The following DLG2 variants were observed in gnomAD, a reference collection of about 807,000 sequenced individuals.
The protein encoded by DLG2 is disks large homolog 2.
A neutral mutation model predicts 132.5 loss-of-function variants in DLG2; 45 were observed. The observed-to-expected ratio is 0.34, with a 90% CI of 0.27 to 0.44. The LOEUF (loss-of-function observed/expected upper bound fraction) is 0.44. DLG2 is among the 20% of genes least tolerant of loss of function. The pLI, the probability that DLG2 is intolerant of heterozygous loss-of-function variation, is 1.00. For missense variants in DLG2, 1,045 were observed against 1,196.9 expected (o/e 0.87, Z 1.87); for synonymous variants, 424 against 419.6 (o/e 1.01, Z -0.13).
chr11:85,302,137 G>A (rs953852971), intron 3 of DLG2, among the ~76,000 whole-genome samples: 5 of 152,126 alleles, frequency 3.3e-5, no homozygotes, highest in African/African-American at 9.7e-5. Context: ...AAGGCTGACC[G>A]CACATTCTGT....
chr11:83,814,015 C>T lies in DLG2; in HGVS notation c.1722+19599G>A, dbSNP rs1361941584. ...ACTCACTTTTTTTTCTTTATGTGCA[C>T]TTTTATTTTTACATTGTAGAGAAAG... On this transcript the variant is annotated intron_variant, in intron 17 of 27. Coordinates refer to ENST00000376104, the MANE Select transcript of DLG2 (RefSeq NM_001142699.3). 2.0e-5 allele frequency among the ~76,000 whole-genome samples: 3 copies of T among 151,870 alleles called. No homozygotes were observed. In the East Asian group the frequency reaches 5.8e-4, roughly 29 times the overall value.
rs985715109 is a variant in DLG2 at position 83,845,248 on chromosome 11, G to A, written c.1566-11478C>T. ...TTATTAAAAAGAGGAGATACTTGTA[G>A]GAGATCAAAAAGATCTTTTTAGTAG... On this transcript the variant is annotated intron_variant, in intron 16 of 27. Transcript: ENST00000376104. 1.3e-4 allele frequency among the ~76,000 whole-genome samples: 20 copies of A among 152,250 alleles called. 1 individual carries two copies. The South Asian group carries it at 2.9e-3, about 22-fold the overall frequency.
chr11:85,221,250 A>G (rs888140445), intron 4 of DLG2, among the ~76,000 whole-genome samples: 12 of 151,806 alleles, frequency 7.9e-5, no homozygotes, highest in African/African-American at 2.9e-4. Flanking sequence ...CACCGCCAGG[A>G]TGGTCTCAAT....
chr11:84,112,293 C>A (rs1350346992), intron 9 of DLG2, among the ~76,000 whole-genome samples: 55 of 149,150 alleles, frequency 3.7e-4, no homozygotes, highest in Admixed American at 2.0e-4. Context: ...CCACCGCATC[C>A]GGCCTTTTTT....
intron 3 of DLG2, among the ~76,000 whole-genome samples, chr11:85,481,439 T>C (rs2093286694): frequency 6.6e-6 from 1 of 152,138 alleles, no homozygotes. Context: ...AAAACATGCA[T>C]GGAAGAGGGT....
intron 3 of DLG2, among the ~76,000 whole-genome samples, chr11:85,352,544 G>C (rs1180518902): frequency 6.6e-6 from 1 of 152,056 alleles, no homozygotes; most frequent in Non-Finnish European, 1.5e-5. Flanking sequence ...TGGGCATTTA[G>C]TGCTATAAAT....
chr11:84,870,309 A>C (rs1187687021), intron 6 of DLG2, among the ~76,000 whole-genome samples: 1 of 152,204 alleles, frequency 6.6e-6, no homozygotes. Flanking sequence ...GGATGAGAAC[A>C]ATTAGAGATG....
chr11:83,939,105 T>C (rs921277131), intron 14 of DLG2, among the ~76,000 whole-genome samples: 7 of 152,210 alleles, frequency 4.6e-5, no homozygotes, highest in African/African-American at 1.4e-4. Context: ...ATTGCCTCGG[T>C]TGAACTGCTT....
At chr11:84,683,397 A>G (rs1178215262) in intron 6 of DLG2, among the ~76,000 whole-genome samples, 2 of 152,138 alleles carry the variant, frequency 1.3e-5, no homozygotes, top group Non-Finnish European at 2.9e-5. Flanking sequence ...GTACCTGTAA[A>G]TTCTTCACTG....
At chr11:83,616,293 G>C (rs1045601558) in intron 19 of DLG2, among the ~76,000 whole-genome samples, 1 of 152,118 alleles carries the variant, frequency 6.6e-6, no homozygotes, top group Non-Finnish European at 1.5e-5. Context: ...GTTTGGCTCT[G>C]ATAGATACTG....
intron 9 of DLG2, among the ~76,000 whole-genome samples, chr11:84,118,022 A>C (rs569947795): frequency 6.6e-6 from 1 of 151,618 alleles, no homozygotes; most frequent in East Asian, 2.0e-4. Context: ...CCCTCAGCTA[A>C]TTTTTTGTAT....
intron 7 of DLG2, among the ~76,000 whole-genome samples, chr11:84,441,200 G>T (rs2099016407): frequency 6.6e-6 from 1 of 151,834 alleles, no homozygotes; most frequent in African/African-American, 2.4e-5. Flanking sequence ...AGGATGGAGT[G>T]CAGTGTTACG....
chr11:84,486,069 A>C (rs575649914), intron 7 of DLG2, among the ~76,000 whole-genome samples: 1 of 152,066 alleles, frequency 6.6e-6, no homozygotes, highest in African/African-American at 2.4e-5. Flanking sequence ...TTTTTCCACA[A>C]TCTATTGGTC....
chr11:84,715,696 G>T (rs544366950), intron 6 of DLG2, among the ~76,000 whole-genome samples: 1 of 152,078 alleles, frequency 6.6e-6, no homozygotes, highest in South Asian at 2.1e-4. Context: ...CAAATGTAAG[G>T]TTATCCTTCT....
chr11:85,149,070 G>A (rs1404774492), intron 5 of DLG2, among the ~76,000 whole-genome samples: 2 of 152,124 alleles, frequency 1.3e-5, no homozygotes, highest in East Asian at 3.8e-4. Flanking sequence ...GATATGTGGT[G>A]TTGTTTCTGA....
chr11:85,618,203 T>C (rs1253280710), intron 2 of DLG2, among the ~76,000 whole-genome samples: 2 of 152,162 alleles, frequency 1.3e-5, no homozygotes, highest in Non-Finnish European at 2.9e-5. Flanking sequence ...ATAGAAATAC[T>C]TGTGTCTTGA....
chr11:84,017,407 A>G (rs540266448), intron 11 of DLG2, among the ~76,000 whole-genome samples: 3 of 152,062 alleles, frequency 2.0e-5, no homozygotes, highest in Non-Finnish European at 4.4e-5. Context: ...TTCTTTATTA[A>G]GCTTTTAAAT....
chr11:83,881,800 T>C (rs1367281604), intron 15 of DLG2, among the ~76,000 whole-genome samples: 1 of 152,228 alleles, frequency 6.6e-6, no homozygotes, highest in Non-Finnish European at 1.5e-5. Flanking sequence ...TAAATCTGTT[T>C]ATTCTTATTG....
At chr11:85,074,514 G>A (rs2066274712) in intron 6 of DLG2, among the ~76,000 whole-genome samples, 1 of 151,738 alleles carries the variant, frequency 6.6e-6, no homozygotes, top group Non-Finnish European at 1.5e-5. Flanking sequence ...GCAATAGCTG[G>A]GAACATACCT....
Sources: gnomAD v4.1 joint callset for allele counts (sites outside exome capture counted in the v4.1 genomes callset) on GRCh38, gnomAD v4.1.1 for gene constraint, MANE v1.5 for transcripts, NCBI Gene and HGNC (gene_info 2026-07-23, HGNC 2026-07-21) for gene names.